MAGI2: variants seen among roughly 807,000 people sequenced by gnomAD.
The protein encoded by MAGI2 is membrane-associated guanylate kinase, WW and PDZ domain-containing protein 2.
Under a neutral mutation model 133.3 loss-of-function variants are expected in MAGI2, and 35 were observed. The observed-to-expected ratio is 0.26, with a 90% CI of 0.20 to 0.35. The LOEUF is 0.35. MAGI2 is among the 10% of genes least tolerant of loss of function. MAGI2 has a pLI of 1.00. For synonymous variants in MAGI2, 729 were observed against 710.6 expected, an observed-to-expected ratio of 1.03 and a Z score of -0.41; for missense variants, 1,636 against 1,863.4, an observed-to-expected ratio of 0.88 and a Z score of 2.25.
chr7:78,499,067 C>G (rs1361569896), intron 5 of MAGI2, among the ~76,000 whole-genome samples: 1 of 150,394 alleles, frequency 6.6e-6, no homozygotes, highest in Non-Finnish European at 1.5e-5. Context: ...ACAACAACAA[C>G]AACAACAACA....
At chr7:79,286,295 C>T (rs1484086956) in intron 1 of MAGI2, among the ~76,000 whole-genome samples, 1 of 152,012 alleles carries the variant, frequency 6.6e-6, no homozygotes, top group Admixed American at 6.6e-5. Flanking sequence ...CTCATCTGAT[C>T]CTCACAACCA....
chr7:78,864,549 T>C (rs1794401544), intron 2 of MAGI2, among the ~76,000 whole-genome samples: 1 of 152,222 alleles, frequency 6.6e-6, no homozygotes, highest in African/African-American at 2.4e-5. Flanking sequence ...AATTGCTCTG[T>C]CAGGAAATGT....
intron 9 of MAGI2, among the ~76,000 whole-genome samples, chr7:78,342,450 C>T (rs1056421220): frequency 3.3e-5 from 5 of 152,144 alleles, no homozygotes; most frequent in African/African-American, 1.2e-4. Context: ...CTAGCAATCC[C>T]ATTACTATAT....
intron 6 of MAGI2, among the ~76,000 whole-genome samples, chr7:78,489,438 A>G (rs981617271): frequency 1.2e-4 from 18 of 152,058 alleles, no homozygotes; most frequent in East Asian, 9.7e-4. Context: ...TCTGACTCCA[A>G]TTAAAAGATC....
chr7:78,227,850 T>TTGTGTGTGTGTGTGTGTGTGTGTG (rs3085614), intron 10 of MAGI2, among the ~76,000 whole-genome samples: 184 of 145,638 alleles, frequency 1.3e-3, no homozygotes, highest in Admixed American at 2.4e-3. Flanking sequence ...TCTTACTCAG[T>TTGTGTGTGTGTGTGTGTGTGTGTG]TGTGTGTGTG....
At chr7:78,287,439 A>G (rs1430178023) in intron 9 of MAGI2, among the ~76,000 whole-genome samples, 1 of 152,180 alleles carries the variant, frequency 6.6e-6, no homozygotes, top group Non-Finnish European at 1.5e-5. Context: ...TACTGAGTCC[A>G]TTGGAGGAGG....
chr7:79,347,445 G>A (rs1178237508), intron 1 of MAGI2, among the ~76,000 whole-genome samples: 3 of 128,160 alleles, frequency 2.3e-5, no homozygotes, highest in Non-Finnish European at 4.8e-5. Flanking sequence ...ACTGTGGATC[G>A]TCCCTATCTT....
At chr7:79,265,396 T>C (rs953051013) in intron 1 of MAGI2, among the ~76,000 whole-genome samples, 1 of 152,124 alleles carries the variant, frequency 6.6e-6, no homozygotes, top group Non-Finnish European at 1.5e-5. Context: ...TACAAAAATA[T>C]TCAAAAATGA....
chr7:78,780,293 T>C (rs374807351), intron 2 of MAGI2, among the ~76,000 whole-genome samples: 1 of 152,238 alleles, frequency 6.6e-6, no homozygotes, highest in Non-Finnish European at 1.5e-5. Context: ...CAAATGTCTC[T>C]TTCAAGACAG....
At chr7:78,722,362 A>T (rs1324153274) in intron 2 of MAGI2, among the ~76,000 whole-genome samples, 1 of 151,982 alleles carries the variant, frequency 6.6e-6, no homozygotes, top group Non-Finnish European at 1.5e-5. Flanking sequence ...ATTATTTGTC[A>T]TATTTCTGCA....
intron 2 of MAGI2, among the ~76,000 whole-genome samples, chr7:78,631,289 C>T (rs1808969625): frequency 1.3e-5 from 2 of 152,152 alleles, no homozygotes; most frequent in Admixed American, 1.3e-4. Flanking sequence ...TCCTTTATCC[C>T]ATCTCCAAAT....
At chr7:78,731,448 G>A (rs112435463) in intron 2 of MAGI2, among the ~76,000 whole-genome samples, 1 of 152,110 alleles carries the variant, frequency 6.6e-6, no homozygotes, top group African/African-American at 2.4e-5. Context: ...TTCATTACCA[G>A]ACATTTGAAG....
At chr7:78,645,047 AAGCATGTTTTATG>A (rs71085550) in intron 2 of MAGI2, among the ~76,000 whole-genome samples, 41,962 of 151,970 alleles carry the variant, frequency 0.28, 6,166 homozygotes, top group Admixed American at 0.33. Context: ...GATATAACTA[AAGCATGTTTTATG>A]TATAATATCC....
chr7:78,281,785 G>GT (rs76922736), intron 9 of MAGI2, among the ~76,000 whole-genome samples: 29,301 of 147,080 alleles, frequency 0.2, 3,269 homozygotes, highest in South Asian at 0.31. Flanking sequence ...TCCATCAAGA[G>GT]TTTTTTTGTT....
chr7:78,867,957 AG>A (rs1390445951), intron 2 of MAGI2, among the ~76,000 whole-genome samples: 3 of 152,056 alleles, frequency 2.0e-5, no homozygotes, highest in Non-Finnish European at 2.9e-5. Context: ...TGATAATAAG[AG>A]GGGGACCAAC....
chr7:78,102,593 C>T lies in MAGI2; in HGVS notation c.3567+23101G>A, dbSNP rs138331007. ...AGTCCCAGACCCAAGTGACATCCCACAGCACTGTTGGCTTCTGTCTCCGGT... is the reference window on the plus strand; with the variant it reads ...AGTCCCAGACCCAAGTGACATCCCATAGCACTGTTGGCTTCTGTCTCCGGT... On this transcript the variant is annotated intron_variant, in intron 20 of 21. Transcript: ENST00000354212. Among the ~76,000 whole-genome samples, 6 of 152,342 alleles carry T rather than the reference C, an allele frequency of 3.9e-5. No homozygotes were observed. In the East Asian group the frequency reaches 1.2e-3, roughly 29 times the overall value.
intron 1 of MAGI2, among the ~76,000 whole-genome samples, chr7:79,263,335 C>T (rs760171138): frequency 7.2e-5 from 11 of 152,026 alleles, no homozygotes; most frequent in African/African-American, 1.9e-4. Flanking sequence ...CCTATTTCAC[C>T]GGTATGAAAG....
intron 1 of MAGI2, chr7:79,415,203 G>A (rs1846416497): frequency 6.6e-6 from 1 of 152,162 alleles, no homozygotes; most frequent in South Asian, 2.1e-4. Flanking sequence ...ATGGTAGTGA[G>A]TTTCTAGTTA....
chr7:78,923,053 T>C (rs975347651), intron 2 of MAGI2, among the ~76,000 whole-genome samples: 3 of 152,218 alleles, frequency 2.0e-5, no homozygotes, highest in African/African-American at 7.2e-5. Context: ...TGTTTTTTTC[T>C]TGTAAATTTG....
Sources: allele counts gnomAD v4.1 joint callset (sites outside exome capture counted in the v4.1 genomes callset), GRCh38; gene constraint gnomAD v4.1.1; transcripts MANE v1.5; gene names NCBI Gene and HGNC (gene_info 2026-07-23, HGNC 2026-07-21).